Variants in PDE7A observed in about 807,000 individuals in gnomAD.
The protein encoded by PDE7A is phosphodiesterase 7A.
Under a neutral mutation model 64.3 loss-of-function variants are expected in PDE7A, and 39 were observed. That is an observed-to-expected ratio of 0.61 (90% CI 0.47 to 0.79). PDE7A has a LOEUF of 0.79. Among genes scored for constraint, PDE7A ranks in the 30% least tolerant of loss-of-function variants. The pLI, the probability that PDE7A is intolerant of heterozygous loss-of-function variation, is 0.00. For missense variants in PDE7A, 470 were observed against 582.8 expected (o/e 0.81, Z 1.99); for synonymous variants, 203 against 206.8 (o/e 0.98, Z 0.16).
At chr8:65,786,339 C>T (rs995775680) in intron 1 of PDE7A, among the ~76,000 whole-genome samples, 4 of 152,018 alleles carry the variant, frequency 2.6e-5, no homozygotes, top group Non-Finnish European at 4.4e-5. Flanking sequence ...AATATCTGAA[C>T]CCATCAACAA....
chr8:65,762,901 C>G (rs1808577367), intron 3 of PDE7A, among the ~76,000 whole-genome samples: 1 of 151,856 alleles, frequency 6.6e-6, no homozygotes, highest in Admixed American at 6.6e-5. Flanking sequence ...TTATGGGAAG[C>G]TGAGGTGGGA....
intron 1 of PDE7A, among the ~76,000 whole-genome samples, chr8:65,791,101 T>C (rs1809689942): frequency 6.6e-6 from 1 of 152,230 alleles, no homozygotes; most frequent in African/African-American, 2.4e-5. Context: ...GGAAAGCGAA[T>C]ACAAGATGGC....
chr8:65,825,616 G>A (rs1412139388), intron 1 of PDE7A, among the ~76,000 whole-genome samples: 3 of 152,196 alleles, frequency 2.0e-5, no homozygotes. Context: ...TTCAGAAAGG[G>A]TATAAAGATG....
chr8:65,835,068 T>A lies in PDE7A; in HGVS notation c.138+6303A>T, dbSNP rs149336364. Among the ~76,000 whole-genome samples, 889 of 152,362 alleles carry A rather than the reference T, an allele frequency of 5.8e-3. 9 individuals are homozygous for A. Among genetic ancestry groups the A allele is most frequent in the African/African-American group, 0.02 (840 of 41,588 alleles). ...ATAAAAAAATCAACAAAGTCTATGT[T>A]ACTTTTAGGCAAGAATAAGCCATTT... On this transcript the variant is annotated intron_variant, in intron 1 of 12. Coordinates refer to ENST00000401827, the MANE Select transcript of PDE7A (RefSeq NM_001242318.3).
At chr8:65,734,980 T>C in intron 6 of PDE7A, 86 bp from the exon 7 acceptor site, 1 of 814,730 alleles carries the variant, frequency 1.2e-6, no homozygotes, top group Non-Finnish European at 2.1e-6. Context: ...AGTTACCCAC[T>C]CATACTTTTC....
intron 1 of PDE7A, among the ~76,000 whole-genome samples, chr8:65,801,330 T>A: frequency 6.6e-6 from 1 of 152,122 alleles, no homozygotes; most frequent in Admixed American, 6.6e-5. Context: ...ATATTGAAAA[T>A]ATATTCTGAA....
chr8:65,721,231 A>C (rs1489776252), intron 12 of PDE7A, among the ~76,000 whole-genome samples: 1 of 152,200 alleles, frequency 6.6e-6, no homozygotes, highest in Non-Finnish European at 1.5e-5. Context: ...CAGATTTCAC[A>C]GGACGCCTTG....
intron 1 of PDE7A, among the ~76,000 whole-genome samples, chr8:65,838,004 T>A (rs1810989863): frequency 6.6e-6 from 1 of 151,488 alleles, no homozygotes; most frequent in Non-Finnish European, 1.5e-5. Context: ...AGCTATTCTA[T>A]GAGTATATAT....
rs886902459 is a variant in PDE7A, at chr8:65,734,854, A to G, written c.636T>C (p.His212=). The change falls in exon 7 of 13, where the codon CAT becomes CAC. Residue 212 remains histidine (H), a synonymous_variant. Transcript: ENST00000401827. ...QEDYHSQNPY[H]NAVHAADVTQ... ...TAACATCCGCAGCGTGGACTGCGTT[A>G]TGGTAAGGATTTTGACTGTGGTAAT... 6.2e-7 allele frequency: 1 copy of G among 1,612,714 alleles called. No individual in the cohort carries two copies. The highest frequency in any genetic ancestry group is 8.5e-7 in the Non-Finnish European group (1 of 1,178,712).
intron 3 of PDE7A, among the ~76,000 whole-genome samples, chr8:65,759,187 A>C (rs975983318): frequency 2.6e-5 from 4 of 152,144 alleles, no homozygotes; most frequent in African/African-American, 9.7e-5. Context: ...GTAATCACTG[A>C]AGTTTCTGTT....
At chr8:65,770,850 G>A (rs1554564112) in intron 3 of PDE7A, 1 of 156,364 alleles carries the variant, frequency 6.4e-6, no homozygotes, top group Non-Finnish European at 1.4e-5. Flanking sequence ...AATTTGATAG[G>A]AATTTGTTTA....
intron 3 of PDE7A, among the ~76,000 whole-genome samples, chr8:65,775,151 G>T (rs1877640): frequency 0.48 from 73,164 of 152,004 alleles, 20,507 homozygotes; most frequent in African/African-American, 0.78. Flanking sequence ...TCCCCTCTTA[G>T]TTTTTGAGTA....
chr8:65,744,039 GC>G (rs1384544176), intron 5 of PDE7A, among the ~76,000 whole-genome samples: 1 of 152,110 alleles, frequency 6.6e-6, no homozygotes, highest in African/African-American at 2.4e-5. Flanking sequence ...TGCCATGTTG[GC>G]CAGGCTGGTC....
chr8:65,744,546 A>T (rs1361647277), intron 5 of PDE7A, among the ~76,000 whole-genome samples: 1 of 152,070 alleles, frequency 6.6e-6, no homozygotes, highest in Non-Finnish European at 1.5e-5. Context: ...ACCTGTGGGC[A>T]TTTTCCCCCA....
At chr8:65,741,185 G>A (rs137912774) in intron 5 of PDE7A, among the ~76,000 whole-genome samples, 36 of 152,100 alleles carry the variant, frequency 2.4e-4, no homozygotes, top group African/African-American at 8.0e-4. Flanking sequence ...AATAGACCAC[G>A]TTTTAAATAG....
intron 1 of PDE7A, among the ~76,000 whole-genome samples, chr8:65,804,411 T>C (rs1018838383): frequency 2.6e-5 from 4 of 151,928 alleles, no homozygotes; most frequent in Admixed American, 2.0e-4. Flanking sequence ...CTCTAAAACA[T>C]AGGTATAAAG....
chr8:65,796,528 A>C (rs890054669), intron 1 of PDE7A, among the ~76,000 whole-genome samples: 1 of 151,738 alleles, frequency 6.6e-6, no homozygotes, highest in Non-Finnish European at 1.5e-5. Context: ...TATCCTAGGA[A>C]TCTAAAGCTG....
chr8:65,769,829 G>A (rs993254647), intron 3 of PDE7A, among the ~76,000 whole-genome samples: 1 of 152,140 alleles, frequency 6.6e-6, no homozygotes, highest in Non-Finnish European at 1.5e-5. Flanking sequence ...CCAGGAAGTG[G>A]AGATTGCAAT....
intron 1 of PDE7A, chr8:65,789,213 A>G (rs1351659636): frequency 1.2e-5 from 5 of 422,534 alleles, no homozygotes; most frequent in African/African-American, 1.0e-4. Context: ...GGGAGGGAAA[A>G]GACTTTAGTG....
Sources: gnomAD v4.1 joint callset for allele counts (sites outside exome capture counted in the v4.1 genomes callset) on GRCh38, gnomAD v4.1.1 for gene constraint, MANE v1.5 for transcripts, NCBI Gene and HGNC (gene_info 2026-07-23, HGNC 2026-07-21) for gene names.